TP63: variants seen among roughly 807,000 people sequenced by gnomAD.
The protein encoded by TP63 is tumor protein p63, also known as tumor protein 63.
Under a neutral mutation model 82.8 loss-of-function variants are expected in TP63, and 17 were observed. That is an observed-to-expected ratio of 0.21 (90% CI 0.14 to 0.31). The LOEUF (loss-of-function observed/expected upper bound fraction) is 0.31, where lower values mean the gene tolerates loss of function less well. TP63 is among the 10% of genes least tolerant of loss of function. The pLI, the probability that TP63 is intolerant of heterozygous loss-of-function variation, is 1.00. For missense variants in TP63, 648 were observed against 895.3 expected, an observed-to-expected ratio of 0.72 and a Z score of 3.52; for synonymous variants, 330 against 321.7, an observed-to-expected ratio of 1.03 and a Z score of -0.28.
chr3:189,688,847 G>A (rs1429537583), intron 1 of TP63, among the ~76,000 whole-genome samples: 2 of 152,082 alleles, frequency 1.3e-5, no homozygotes, highest in East Asian at 1.9e-4. Flanking sequence ...GCTGTTTCCT[G>A]TACCACCTTA....
At chr3:189,833,720 A>G (rs1712707676) in intron 4 of TP63, among the ~76,000 whole-genome samples, 1 of 151,588 alleles carries the variant, frequency 6.6e-6, no homozygotes, top group Non-Finnish European at 1.5e-5. Flanking sequence ...CATAGTAGAT[A>G]TATTTGCATA....
the TP63 span, among the ~76,000 whole-genome samples, chr3:189,610,134 G>C: frequency 6.6e-6 from 1 of 152,104 alleles, no homozygotes; most frequent in African/African-American, 2.4e-5. Flanking sequence ...CAGTGATATT[G>C]AGCTTTTTTT....
At chr3:189,859,705 A>G (rs920632429) in intron 4 of TP63, among the ~76,000 whole-genome samples, 1 of 152,188 alleles carries the variant, frequency 6.6e-6, no homozygotes, top group African/African-American at 2.4e-5. Context: ...GAAAAATGGA[A>G]ATGTACATCC....
intron 1 of TP63, among the ~76,000 whole-genome samples, chr3:189,711,377 T>C (rs1718582365): frequency 6.6e-6 from 1 of 152,214 alleles, no homozygotes; most frequent in East Asian, 1.9e-4. Context: ...TTAGCAAGTA[T>C]ATTTTTGTGT....
At chr3:189,645,664 C>T (rs1046592840) in intron 1 of TP63, among the ~76,000 whole-genome samples, 3 of 120,804 alleles carry the variant, frequency 2.5e-5, no homozygotes, top group Admixed American at 7.6e-5. Context: ...CACTCCCCCA[C>T]CCCACGACAG....
At chr3:189,719,014 T>C (rs541248350) in intron 1 of TP63, among the ~76,000 whole-genome samples, 2 of 152,244 alleles carry the variant, frequency 1.3e-5, no homozygotes, top group African/African-American at 2.4e-5. Context: ...CTGACATCTC[T>C]CAGACATAAC....
chr3:189,702,364 T>G (rs1717879543), intron 1 of TP63, among the ~76,000 whole-genome samples: 1 of 152,220 alleles, frequency 6.6e-6, no homozygotes, highest in Non-Finnish European at 1.5e-5. Context: ...CAGGGGCTTC[T>G]CTGGGATTTA....
the TP63 span, among the ~76,000 whole-genome samples, chr3:189,602,885 A>G: frequency 2.6e-5 from 4 of 152,234 alleles, no homozygotes; most frequent in Admixed American, 2.6e-4. Flanking sequence ...GTTTAATGGC[A>G]TAGAGCTAGT....
intron 5 of TP63, among the ~76,000 whole-genome samples, 200 bp downstream of exon 5, chr3:189,864,618 T>C (rs1055949980): frequency 6.7e-6 from 1 of 149,622 alleles, no homozygotes; most frequent in Non-Finnish European, 1.5e-5. Flanking sequence ...TTCACAGTGG[T>C]TGAACTATTT....
chr3:189,677,390 A>ATATG lies in TP63; in HGVS notation c.62+45815_62+45818dup, dbSNP rs1491128556. The stretch of plus-strand genomic sequence containing the variant: ...TTTATATGTAAATAATTATATATAA[A>ATATG]TATGTGTGTATATATATACATATAT... On this transcript the variant is annotated intron_variant, in intron 1 of 13. Coordinates refer to ENST00000264731, the MANE Select transcript of TP63 (RefSeq NM_003722.5). Among the ~76,000 whole-genome samples the ATATG allele has an allele frequency of 2.1e-4, 21 of 99,208 alleles. No homozygotes were observed. In the East Asian group the frequency reaches 4.1e-3, roughly 19 times the overall value. The allele number at this position is 99,208 out of a possible 152,430, so 65.1% of individuals were successfully genotyped here.
At chr3:189,863,633 T>C (rs983984420) in intron 4 of TP63, among the ~76,000 whole-genome samples, 3 of 152,322 alleles carry the variant, frequency 2.0e-5, no homozygotes, top group Middle Eastern at 3.4e-3. Context: ...TGCATTCTCC[T>C]AGTCTTTGAC....
chr3:189,855,149 A>T (rs2108774706), intron 4 of TP63, among the ~76,000 whole-genome samples: 1 of 152,312 alleles, frequency 6.6e-6, no homozygotes, highest in African/African-American at 2.4e-5. Flanking sequence ...AGTAAGACTT[A>T]ACGTGTTTCT....
At chr3:189,869,476 C>A (rs1034278573) in intron 9 of TP63, 70 bp downstream of exon 9, 2 of 1,362,728 alleles carry the variant, frequency 1.5e-6, no homozygotes, top group South Asian at 1.2e-5. Flanking sequence ...ACAGTATGAT[C>A]ATCATCTCAT....
intron 1 of TP63, among the ~76,000 whole-genome samples, chr3:189,659,953 A>G (rs115376581): frequency 0.038 from 5,844 of 152,014 alleles, 142 homozygotes; most frequent in Middle Eastern, 0.054. Flanking sequence ...TAGATACTAG[A>G]CCATTGCCAT....
intron 1 of TP63, among the ~76,000 whole-genome samples, chr3:189,722,963 T>C (rs891972584): frequency 4.6e-5 from 7 of 152,188 alleles, no homozygotes; most frequent in African/African-American, 1.7e-4. Flanking sequence ...ACTGAAGCCA[T>C]GTGTTTTCAA....
At chr3:189,866,578 C>A in intron 5 of TP63, 104 bp from the exon 6 acceptor site, 2 of 1,008,858 alleles carry the variant, frequency 2.0e-6, no homozygotes, top group African/African-American at 1.6e-5. Context: ...CTTTATTATA[C>A]AGACTATTTC....
At chr3:189,815,604 A>G (rs2108657784) in intron 4 of TP63, among the ~76,000 whole-genome samples, 1 of 152,348 alleles carries the variant, frequency 6.6e-6, no homozygotes, top group Non-Finnish European at 1.5e-5. Flanking sequence ...ATATCTTAAA[A>G]TGATGATACT....
chr3:189,643,026 A>G (rs1043275832), intron 1 of TP63, among the ~76,000 whole-genome samples: 4 of 93,948 alleles, frequency 4.3e-5, no homozygotes, highest in Non-Finnish European at 1.1e-4. Context: ...TTTTAGATGG[A>G]GTTTTGTTCT....
At chr3:189,749,384 A>T (rs1265858155) in intron 3 of TP63, among the ~76,000 whole-genome samples, 1 of 152,198 alleles carries the variant, frequency 6.6e-6, no homozygotes, top group Non-Finnish European at 1.5e-5. Flanking sequence ...ACATCAAAAG[A>T]TATGAAAAGA....
Sources: gnomAD v4.1 joint callset for allele counts (sites outside exome capture counted in the v4.1 genomes callset) on GRCh38, gnomAD v4.1.1 for gene constraint, MANE v1.5 for transcripts, NCBI Gene and HGNC (gene_info 2026-07-23, HGNC 2026-07-21) for gene names.